Variants in MYH16 observed in about 807,000 individuals in gnomAD.
MYH16 encodes the protein myosin heavy chain 16.
At chr7:99,264,562 C>T (rs774552266) in intron 15 of MYH16, among the ~76,000 whole-genome samples, 4 of 152,196 alleles carry the variant, frequency 2.6e-5, no homozygotes, top group Non-Finnish European at 5.9e-5. Flanking sequence ...GAGCTTGTGT[C>T]CTAGAGTTGG....
chr7:99,254,280 T>C (rs1038716085), intron 8 of MYH16: 3 of 152,138 alleles, frequency 2.0e-5, no homozygotes, highest in Non-Finnish European at 4.4e-5. Flanking sequence ...AGAAAATTCA[T>C]GTGAATGTGT....
chr7:99,260,262 G>C, exon 12 of MYH16: 8 of 1,601,290 alleles, frequency 5.0e-6, no homozygotes, highest in Non-Finnish European at 6.8e-6. Context: ...AGGAGTACAA[G>C]AGGGAAGGCA....
chr7:99,291,570 T>G (rs1792376601), intron 31 of MYH16, 120 bp downstream of exon 12: 1 of 362,358 alleles, frequency 2.8e-6, no homozygotes. Flanking sequence ...AGGTGGGAGG[T>G]TCGCTTAAGG....
intron 8 of MYH16, chr7:99,254,355 C>T (rs1331830654): frequency 6.6e-6 from 1 of 152,236 alleles, no homozygotes. Context: ...ATGAGGACCA[C>T]TGTGGGCCCA....
downstream of MYH16, chr7:99,310,943 C>T (rs1171964236): frequency 6.6e-6 from 1 of 152,182 alleles, no homozygotes; most frequent in Non-Finnish European, 1.5e-5. Context: ...TGGGGCTTCT[C>T]TGGAACGGCA....
At chr7:99,280,968 G>A in exon 23 of MYH16, 1 of 411,678 alleles carries the variant, frequency 2.4e-6, no homozygotes, top group Middle Eastern at 3.4e-4. Context: ...GGGCCCTAGA[G>A]GAGCTGCACC....
At chr7:99,301,898 G>A (rs1416571575) in intron 38 of MYH16, 94 bp downstream of exon 19, 3 of 152,704 alleles carry the variant, frequency 2.0e-5, no homozygotes, top group East Asian at 1.9e-4. Context: ...CAAACCACGT[G>A]AGCCCCCCTC....
chr7:99,308,780 A>G (rs1452096053), downstream of MYH16, among the ~76,000 whole-genome samples: 1 of 152,158 alleles, frequency 6.6e-6, no homozygotes, highest in Non-Finnish European at 1.5e-5. Flanking sequence ...AACAAGAGCC[A>G]AGTGCTAAGA....
chr7:99,270,323 ATT>A (rs1181065806), intron 18 of MYH16, among the ~76,000 whole-genome samples: 19 of 136,260 alleles, frequency 1.4e-4, no homozygotes, highest in East Asian at 2.2e-4. Context: ...AGAAAAAAAA[ATT>A]TTTTTTTTTT....
intron 30 of MYH16, among the ~76,000 whole-genome samples, chr7:99,289,800 A>G (rs1390071407): frequency 6.6e-6 from 1 of 152,234 alleles, no homozygotes; most frequent in African/African-American, 2.4e-5. Flanking sequence ...TGAAAGGCAG[A>G]GATTTACAGT....
chr7:99,264,093 T>C (rs1791964949), intron 14 of MYH16, among the ~76,000 whole-genome samples: 1 of 152,232 alleles, frequency 6.6e-6, no homozygotes, highest in Non-Finnish European at 1.5e-5. Flanking sequence ...CACTCCCCGG[T>C]AGATCTCATT....
intron 20 of MYH16, among the ~76,000 whole-genome samples, chr7:99,274,671 T>TTC (rs1792088314): frequency 1.0e-5 from 1 of 97,216 alleles, no homozygotes; most frequent in Non-Finnish European, 1.9e-5. Flanking sequence ...TTAATTCACT[T>TTC]TTTTTTTTTT....
chr7:99,280,550 C>T (rs574069558), intron 22 of MYH16, among the ~76,000 whole-genome samples: 2 of 152,338 alleles, frequency 1.3e-5, no homozygotes, highest in Admixed American at 1.3e-4. Context: ...AGGGGCTCTG[C>T]CTAAACTTGC....
intron 2 of MYH16, among the ~76,000 whole-genome samples, chr7:99,246,979 T>A (rs1029817876): frequency 3.9e-5 from 6 of 152,194 alleles, no homozygotes; most frequent in Non-Finnish European, 8.8e-5. Context: ...GAAAATATCA[T>A]AAATCGACTT....
intron 24 of MYH16, 103 bp downstream of exon 6, chr7:99,283,754 C>A: frequency 2.3e-6 from 1 of 439,750 alleles, no homozygotes; most frequent in Non-Finnish European, 4.6e-6. Flanking sequence ...ACACATCCCC[C>A]GGGGCGTGAG....
exon 12 of MYH16, chr7:99,260,261 A>G (rs61742332): frequency 0.012 from 18,803 of 1,601,394 alleles, 146 homozygotes; most frequent in Non-Finnish European, 0.014. Context: ...GAGGAGTACA[A>G]GAGGGAAGGC....
intron 18 of MYH16, among the ~76,000 whole-genome samples, chr7:99,269,379 G>A (rs527596895): frequency 6.6e-6 from 1 of 151,818 alleles, no homozygotes; most frequent in East Asian, 1.9e-4. Context: ...GGGCTCAAGC[G>A]GTTCTCCCAC....
chr7:99,273,608 C>A (rs1792073816), intron 20 of MYH16, among the ~76,000 whole-genome samples, 185 bp downstream of exon 2: 1 of 152,102 alleles, frequency 6.6e-6, no homozygotes, highest in Admixed American at 6.5e-5. Context: ...TAAGAAAAAT[C>A]ATGGGGCGGG....
exon 39 of MYH16, chr7:99,303,130 T>A (rs941999001): frequency 2.6e-5 from 4 of 152,688 alleles, no homozygotes; most frequent in Non-Finnish European, 4.4e-5. Context: ...CCAACGAGCA[T>A]GAGGAGCTCA....
Sources: gnomAD v4.1 joint callset for allele counts (sites outside exome capture counted in the v4.1 genomes callset) on GRCh38, gnomAD v4.1.1 for gene constraint, MANE v1.5 for transcripts, NCBI Gene and HGNC (gene_info 2026-07-23, HGNC 2026-07-21) for gene names.